Variants in STAG1 observed in about 807,000 individuals in gnomAD.
The protein encoded by STAG1 is cohesin subunit SA-1.
A neutral mutation model predicts 170.9 loss-of-function variants in STAG1; 26 were observed. The ratio of observed to expected loss-of-function variants is 0.15; its 90% CI spans 0.11 to 0.21. The LOEUF is 0.21. Among genes scored for constraint, STAG1 ranks in the 10% least tolerant of loss-of-function variants. STAG1 has a pLI of 1.00. For synonymous variants in STAG1, 514 were observed against 497.7 expected (o/e 1.03, Z -0.44); for missense variants, 964 against 1,509.5 (o/e 0.64, Z 5.99).
At chr3:136,375,505 C>A (rs964670026) in intron 23 of STAG1, among the ~76,000 whole-genome samples, 1 of 152,066 alleles carries the variant, frequency 6.6e-6, no homozygotes, top group Admixed American at 6.6e-5. Context: ...AGAGTCTTGG[C>A]AGTTTATGCC....
intron 1 of STAG1, among the ~76,000 whole-genome samples, chr3:136,660,904 G>C (rs893819825): frequency 4.6e-5 from 7 of 152,110 alleles, no homozygotes; most frequent in Admixed American, 1.3e-4. Context: ...GGGAGTTCAA[G>C]GCTGAAGTAA....
At chr3:136,705,378 AACACACACACACACACACAC>A (rs3066789) in intron 1 of STAG1, among the ~76,000 whole-genome samples, 47 of 143,302 alleles carry the variant, frequency 3.3e-4, no homozygotes, top group East Asian at 8.8e-4. Context: ...ATGATCATCA[AACACACACACACACACACAC>A]ACACACACAC....
At chr3:136,487,946 A>G (rs1043506072) in intron 9 of STAG1, among the ~76,000 whole-genome samples, 4 of 152,182 alleles carry the variant, frequency 2.6e-5, no homozygotes, top group South Asian at 2.1e-4. Flanking sequence ...GAGTAACTAG[A>G]GCTTTCTGCC....
intron 1 of STAG1, among the ~76,000 whole-genome samples, chr3:136,734,485 A>G (rs1448666308): frequency 6.6e-6 from 1 of 152,166 alleles, no homozygotes; most frequent in Non-Finnish European, 1.5e-5. Flanking sequence ...TTAACTATTC[A>G]TGTTATCTTG....
chr3:136,472,292 A>G (rs574429331), intron 12 of STAG1, 121 bp downstream of exon 12: 47 of 547,050 alleles, frequency 8.6e-5, no homozygotes, highest in African/African-American at 8.4e-4. Flanking sequence ...TTAAAATGTA[A>G]AAGTTGAACC....
At chr3:136,362,639 A>G (rs1936920390) in intron 26 of STAG1, among the ~76,000 whole-genome samples, 1 of 151,230 alleles carries the variant, frequency 6.6e-6, no homozygotes, top group South Asian at 2.1e-4. Flanking sequence ...AAAAGAAAAA[A>G]GAAAAGAAAT....
chr3:136,357,902 T>A, intron 27 of STAG1, 54 bp from the exon 28 acceptor site: 1 of 1,404,852 alleles, frequency 7.1e-7, no homozygotes, highest in East Asian at 2.3e-5. Context: ...ATTCTCTCAA[T>A]TAGCTAACAT....
chr3:136,417,619 T>C (rs1426126285), intron 21 of STAG1: 2 of 315,780 alleles, frequency 6.3e-6, no homozygotes, highest in East Asian at 6.2e-5. Flanking sequence ...TAGATATTAA[T>C]GGTATTTCTC....
chr3:136,436,639 A>G (rs1231217867), intron 15 of STAG1, among the ~76,000 whole-genome samples: 1 of 152,180 alleles, frequency 6.6e-6, no homozygotes, highest in African/African-American at 2.4e-5. Context: ...TTCCCTCTGT[A>G]TACTTATTTA....
intron 8 of STAG1, among the ~76,000 whole-genome samples, chr3:136,501,706 C>A (rs1051359185): frequency 3.3e-5 from 5 of 152,270 alleles, no homozygotes; most frequent in Non-Finnish European, 5.9e-5. Flanking sequence ...CAAACTAATA[C>A]AGTATGGCTA....
At chr3:136,723,655 T>A (rs1269510070) in intron 1 of STAG1, among the ~76,000 whole-genome samples, 5 of 112,232 alleles carry the variant, frequency 4.5e-5, no homozygotes, top group African/African-American at 1.4e-4. Context: ...GGGAGGGAGG[T>A]GGGGGGGTCA....
chr3:136,734,846 G>A (rs1431527216), intron 1 of STAG1, among the ~76,000 whole-genome samples: 2 of 152,112 alleles, frequency 1.3e-5, no homozygotes, highest in East Asian at 1.9e-4. Context: ...TTAACTGAAG[G>A]ATATCCTGCC....
chr3:136,708,461 G>C (rs899988827), intron 1 of STAG1, among the ~76,000 whole-genome samples: 1 of 152,064 alleles, frequency 6.6e-6, no homozygotes, highest in Admixed American at 6.6e-5. Context: ...GACTGGGGGG[G>C]AGGGTGTCAA....
At chr3:136,358,621 C>A (rs1433190823) in intron 27 of STAG1, among the ~76,000 whole-genome samples, 2 of 152,222 alleles carry the variant, frequency 1.3e-5, no homozygotes, top group South Asian at 4.2e-4. Context: ...GTTTTCCAGG[C>A]TGGAGGGCAG....
chr3:136,603,014 C>A (rs1359374375), intron 4 of STAG1, among the ~76,000 whole-genome samples: 1 of 152,086 alleles, frequency 6.6e-6, no homozygotes, highest in Non-Finnish European at 1.5e-5. Context: ...CTTCCCTGCC[C>A]ACACAAATTC....
At chr3:136,603,527 A>C (rs1249458282) in intron 4 of STAG1, among the ~76,000 whole-genome samples, 1 of 152,210 alleles carries the variant, frequency 6.6e-6, no homozygotes, top group Non-Finnish European at 1.5e-5. Flanking sequence ...ACAATGCATT[A>C]GTGAGAATGG....
intron 5 of STAG1, among the ~76,000 whole-genome samples, chr3:136,551,428 A>ATTATTT (rs1553744483): frequency 8.5e-6 from 1 of 117,508 alleles, no homozygotes; most frequent in African/African-American, 3.4e-5. Flanking sequence ...CATCTGGCTA[A>ATTATTT]TTTTTTTTTT....
intron 1 of STAG1, among the ~76,000 whole-genome samples, chr3:136,736,050 C>T (rs936171465): frequency 4.6e-5 from 7 of 152,210 alleles, no homozygotes; most frequent in African/African-American, 1.7e-4. Flanking sequence ...AGGGAGCACA[C>T]CCAGAAGCAA....
rs953749188 is a variant in STAG1 at position 136,737,248 on chromosome 3, C to T, written c.-84+14947G>A. On this transcript the variant is annotated intron_variant, in intron 1 of 33. Coordinates refer to ENST00000383202, the MANE Select transcript of STAG1 (RefSeq NM_005862.3). ...CGCCACTTCCCCAGCCCAGCCACCA[C>T]GTGACCCCCATGCCCAGTTAATTTT... is the stretch of plus-strand genomic sequence containing the variant. The T allele has an allele frequency of 4.8e-6, 3 of 619,052 alleles. No homozygotes were observed. The East Asian group carries it at 1.0e-4, about 22-fold the overall frequency. The allele number at this position is 619,052 out of a possible 1,614,324, so 38.3% of individuals were successfully genotyped here. A position where few individuals can be genotyped will look rare whatever the true frequency, so the allele number is the denominator to read the frequency against.
Sources: allele counts gnomAD v4.1 joint callset (sites outside exome capture counted in the v4.1 genomes callset), GRCh38; gene constraint gnomAD v4.1.1; transcripts MANE v1.5; gene names NCBI Gene and HGNC (gene_info 2026-07-23, HGNC 2026-07-21).